The following CFTR variants were observed in gnomAD, a reference collection of about 807,000 sequenced individuals.
The protein encoded by CFTR is cystic fibrosis transmembrane conductance regulator.
A neutral mutation model predicts 171.6 loss-of-function variants in CFTR; 181 were observed. The ratio of observed to expected loss-of-function variants is 1.05; its 90% CI spans 0.93 to 1.19. The LOEUF (loss-of-function observed/expected upper bound fraction) is 1.19, where lower values mean the gene tolerates loss of function less well. Ranked by LOEUF, CFTR falls within the 50% of genes most tolerant of loss-of-function variation. The pLI, the probability that CFTR is intolerant of heterozygous loss-of-function variation, is 0.00. For missense variants in CFTR, 1,968 were observed against 1,734.7 expected, an observed-to-expected ratio of 1.13 and a Z score of -2.39; for synonymous variants, 583 against 608.0, an observed-to-expected ratio of 0.96 and a Z score of 0.60.
rs55700428 is a variant in CFTR, at chr7:117,556,512, CTTTTTTTTTTTT to C, written c.1393-2938_1393-2927del. On this transcript the variant is annotated intron_variant, in intron 10 of 26. Transcript: ENST00000003084. ...TCTCTATGTTTTATTTGTTTCATTT[CTTTTTTTTTTTT>C]TTTTTTTTTTTTTGAGACGGAGTCT... 2.2e-4 allele frequency among the ~76,000 whole-genome samples: 10 copies of C among 45,926 alleles called. No homozygotes were observed. The South Asian group carries it at 0.012, about 55-fold the overall frequency. The allele number at this position is 45,926 out of a possible 152,430, so 30.1% of individuals were successfully genotyped here.
chr7:117,619,785 G>A (rs1259414770), intron 21 of CFTR, among the ~76,000 whole-genome samples: 2 of 152,166 alleles, frequency 1.3e-5, no homozygotes, highest in African/African-American at 4.8e-5. Context: ...AAGGCTTGTG[G>A]ATAGATTTCT....
At chr7:117,515,350 G>C (rs1359384007) in intron 3 of CFTR, among the ~76,000 whole-genome samples, 2 of 152,152 alleles carry the variant, frequency 1.3e-5, no homozygotes, top group African/African-American at 4.8e-5. Context: ...AAGGGGTCCA[G>C]TTTCAGTTTT....
At chr7:117,496,331 G>C (rs777666768) in intron 1 of CFTR, among the ~76,000 whole-genome samples, 3 of 151,874 alleles carry the variant, frequency 2.0e-5, no homozygotes, top group Non-Finnish European at 2.9e-5. Context: ...TCAGTCTCCC[G>C]AGTAGCTGAG....
intron 1 of CFTR, among the ~76,000 whole-genome samples, chr7:117,485,347 G>A (rs1003484796): frequency 6.6e-6 from 1 of 152,120 alleles, no homozygotes; most frequent in Non-Finnish European, 1.5e-5. Flanking sequence ...CATCTTCCTG[G>A]AGAAAAACCT....
intron 18 of CFTR, among the ~76,000 whole-genome samples, chr7:117,609,808 A>G (rs969980886): frequency 2.6e-5 from 4 of 152,174 alleles, no homozygotes; most frequent in Admixed American, 1.3e-4. Flanking sequence ...AAATGTATTT[A>G]TCATGCAATA....
Position 117,535,355 on chromosome 7 carries a change from C to T in CFTR, c.687C>T (p.Phe229=). The T allele has an allele frequency of 6.2e-7, 1 of 1,614,024 alleles. No homozygotes were observed. The highest frequency in any genetic ancestry group is 1.3e-5 in the African/African-American group (1 of 74,984). The change falls in exon 6 of 27, where the codon TTC becomes TTT. Residue 229 remains phenylalanine, a synonymous_variant. Transcript: ENST00000003084. ...LQASAFCGLG[F]LIVLALFQAG... ...CGTCTGCCTTCTGTGGACTTGGTTTCCTGATAGTCCTTGCCCTTTTTCAGG... is the reference window on the plus strand; with the variant it reads ...CGTCTGCCTTCTGTGGACTTGGTTTTCTGATAGTCCTTGCCCTTTTTCAGG...
chr7:117,541,485 C>T (rs187155994), intron 8 of CFTR, among the ~76,000 whole-genome samples: 5 of 152,258 alleles, frequency 3.3e-5, no homozygotes, highest in East Asian at 1.9e-4. Context: ...TATGCTCCTA[C>T]CTTCCCTAGG....
intron 11 of CFTR, among the ~76,000 whole-genome samples, chr7:117,562,357 A>C (rs1346923636): frequency 6.6e-6 from 1 of 152,190 alleles, no homozygotes; most frequent in Non-Finnish European, 1.5e-5. Context: ...AAAAAGCATC[A>C]ATATGAATTT....
intron 22 of CFTR, among the ~76,000 whole-genome samples, chr7:117,637,286 T>C (rs1792841206): frequency 6.6e-6 from 1 of 151,866 alleles, no homozygotes; most frequent in Non-Finnish European, 1.5e-5. Flanking sequence ...CATGATGTGC[T>C]GGGTAAAAGG....
intron 24 of CFTR, among the ~76,000 whole-genome samples, chr7:117,656,337 A>G (rs2116203377): frequency 6.6e-6 from 1 of 152,268 alleles, no homozygotes; most frequent in South Asian, 2.1e-4. Flanking sequence ...AAATGACAAT[A>G]GTTTTCTTTC....
chr7:117,575,651 C>A (rs4570091), intron 11 of CFTR, among the ~76,000 whole-genome samples: 12 of 152,184 alleles, frequency 7.9e-5, no homozygotes, highest in East Asian at 1.9e-4. Flanking sequence ...CTTTGCCAAA[C>A]CTTCCTTAGA....
chr7:117,591,855 T>A, intron 13 of CFTR, 79 bp from the exon 14 acceptor site: 1 of 918,020 alleles, frequency 1.1e-6, no homozygotes, highest in Non-Finnish European at 1.6e-6. Flanking sequence ...AATAAAACAT[T>A]AACAAAATGC....
At position 117,568,804 on chromosome 7, in the gene CFTR, G is replaced by A. The variant is rs764761839; in HGVS notation, c.1584+9149G>A. Among the ~76,000 whole-genome samples, 86 of 152,090 alleles carry A rather than the reference G, an allele frequency of 5.7e-4. 2 individuals are homozygous for A. Among genetic ancestry groups the A allele is most frequent in the Non-Finnish European group, 7.4e-5 (5 of 68,008 alleles). On this transcript the variant is annotated intron_variant, in intron 11 of 26. Transcript: ENST00000003084. The stretch of plus-strand genomic sequence containing the variant: ...CAATTTTCAAGTATAGATTACATTT[G>A]TTACCAACTATAGTGGCCACACTAT...
rs397508593 is a variant in CFTR at position 117,627,733 on chromosome 7, T to C, written c.3680T>C (p.Leu1227Ser). The change falls in exon 22 of 27, where the codon TTA becomes TCA. Residue 1227 changes from leucine to serine, a missense_variant. Transcript: ENST00000003084. ...AKYTEGGNAI[L>S]ENISFSISPG... ...TACACAGAAGGTGGAAATGCCATAT[T>C]AGAGAACATTTCCTTCTCAATAAGT... 4.3e-6 allele frequency: 7 copies of C among 1,612,908 alleles called. No homozygotes were observed. The highest frequency in any genetic ancestry group is 5.1e-6 in the Non-Finnish European group (6 of 1,179,374).
chr7:117,558,500 G>A (rs1474232762), intron 10 of CFTR, among the ~76,000 whole-genome samples: 2 of 152,018 alleles, frequency 1.3e-5, no homozygotes, highest in African/African-American at 4.8e-5. Context: ...CTTGCAGTGA[G>A]CCGAGATCGC....
At chr7:117,480,994 G>T (rs956168065) in intron 1 of CFTR, among the ~76,000 whole-genome samples, 4 of 152,108 alleles carry the variant, frequency 2.6e-5, no homozygotes, top group African/African-American at 9.7e-5. Flanking sequence ...GAATGAATAG[G>T]TACTGCTCTC....
At chr7:117,664,652 ACT>A (rs1390786936) in intron 24 of CFTR, 34 bp from the exon 25 acceptor site, 1 of 1,594,824 alleles carries the variant, frequency 6.3e-7, no homozygotes, top group African/African-American at 1.3e-5. Context: ...AGTGTTTTTA[ACT>A]CTGTGGTATC....
chr7:117,553,509 C>T (rs1009799619), intron 10 of CFTR, among the ~76,000 whole-genome samples: 4 of 152,126 alleles, frequency 2.6e-5, no homozygotes, highest in Admixed American at 6.6e-5. Flanking sequence ...TGTACCAATT[C>T]GTACTCATGC....
chr7:117,549,857 A>AGAAG (rs1396564160), intron 10 of CFTR, among the ~76,000 whole-genome samples: 2 of 152,156 alleles, frequency 1.3e-5, no homozygotes, highest in South Asian at 4.1e-4. Context: ...AAGGAAGGAA[A>AGAAG]GAAGGAAGGA....
Sources: gnomAD v4.1 joint callset for allele counts (sites outside exome capture counted in the v4.1 genomes callset) on GRCh38, gnomAD v4.1.1 for gene constraint, MANE v1.5 for transcripts, NCBI Gene and HGNC (gene_info 2026-07-23, HGNC 2026-07-21) for gene names.